Variants in GPR176 observed in about 807,000 individuals in gnomAD.
GPR176 encodes G protein-coupled receptor 176, also known as G-protein coupled receptor 176.
A neutral mutation model predicts 35.4 loss-of-function variants in GPR176; 26 were observed. The ratio of observed to expected loss-of-function variants is 0.74; its 90% CI spans 0.54 to 1.02. The LOEUF (loss-of-function observed/expected upper bound fraction) is 1.02. Ranked by LOEUF, GPR176 falls within the 50% of genes least tolerant of loss-of-function variation. GPR176 has a pLI of 0.00. For synonymous variants in GPR176, 278 were observed against 271.3 expected, an observed-to-expected ratio of 1.02 and a Z score of -0.24; for missense variants, 597 against 665.3, an observed-to-expected ratio of 0.90 and a Z score of 1.13.
In GPR176 at chr15:39,802,144, G is replaced by A; in HGVS notation, c.536C>T (p.Ala179Val). Reference protein sequence around the residue: ...HAVVASVPVFAVTNVADIYAT... With the variant: ...HAVVASVPVFVVTNVADIYAT... ...ATAGATGTCAGCCACATTGGTTACT[G>A]CAAACACAGGGACACTGGCCACCAC... Residue 179 changes from alanine (A) to valine (V), a missense_variant, in exon 3 of 3, where the codon GCA becomes GTA. By Grantham distance (64) the Ala-to-Val change is moderately conservative. Around this residue, in one of 3 missense-constraint regions of GPR176, gnomAD observed 220 missense variants for 297.6 expected, o/e 0.74. Transcript: ENST00000561100. 6.2e-7 allele frequency: 1 copy of A among 1,614,210 alleles called. No homozygotes were observed. Among genetic ancestry groups the A allele is most frequent in the Non-Finnish European group, 8.5e-7 (1 of 1,180,042 alleles).
At chr15:39,884,419 C>T (rs1198109078) in intron 1 of GPR176, among the ~76,000 whole-genome samples, 1 of 152,184 alleles carries the variant, frequency 6.6e-6, no homozygotes, top group East Asian at 1.9e-4. Context: ...TAAGGACCAC[C>T]TAACTAGCAG....
chr15:39,914,205 G>A (rs2033663303), intron 1 of GPR176, among the ~76,000 whole-genome samples: 1 of 151,402 alleles, frequency 6.6e-6, no homozygotes, highest in African/African-American at 2.4e-5. Context: ...ACATCATATA[G>A]AAATAAAAGA....
chr15:39,859,658 C>T (rs191742345), intron 1 of GPR176, among the ~76,000 whole-genome samples: 30 of 152,244 alleles, frequency 2.0e-4, no homozygotes, highest in African/African-American at 7.2e-4. Context: ...CTAGCAATCC[C>T]ACAACATGGA....
In GPR176 at chr15:39,869,982, T is replaced by C. The variant is rs368860096; in HGVS notation, c.172+49873A>G. ...ACAACACACATTTATTCTCTAACAG[T>C]TCTGGAGGGCAGAAGTCCAAAATCA... On this transcript the variant is annotated intron_variant, in intron 1 of 2. Coordinates refer to ENST00000561100, the MANE Select transcript of GPR176 (RefSeq NM_007223.3). 9.2e-5 allele frequency among the ~76,000 whole-genome samples: 14 copies of C among 152,236 alleles called. No individual in the cohort carries two copies. The East Asian group carries it at 2.1e-3, about 23-fold the overall frequency.
In GPR176 at chr15:39,800,681, C is replaced by A. The variant is rs1213206249; in HGVS notation, c.*451G>T. ...AGAAAATGTTTGACATGTTTAAGTT[C>A]ATCAAACAGGCATTTTCTCTGGAGC... On this transcript the variant is annotated 3_prime_UTR_variant, in exon 3 of 3. Coordinates refer to ENST00000561100, the MANE Select transcript of GPR176 (RefSeq NM_007223.3). 1.2e-5 allele frequency: 2 copies of A among 161,092 alleles called. No individual in the cohort carries two copies. The highest frequency in any genetic ancestry group is 2.7e-5 in the Non-Finnish European group (2 of 72,728). The allele number at this position is 161,092 out of a possible 1,614,324, so 10.0% of individuals were successfully genotyped here.
chr15:39,801,999 C>G lies in GPR176; in HGVS notation c.681G>C (p.Leu227=). 2 of 1,614,038 alleles carry G rather than the reference C, an allele frequency of 1.2e-6. No homozygotes were observed. Among genetic ancestry groups the G allele is most frequent in the Non-Finnish European group, 1.7e-6 (2 of 1,180,006 alleles). ...GGCTGGCACTCAGGGCCCGTCGGAT[C>G]AGTATCAAGAAGAGGAACACCACCA... is the stretch of plus-strand genomic sequence containing the variant. ...PVVVVFLFLI[L]IRRALSASQK... is the part of the protein sequence containing the mutation. The change falls in exon 3 of 3, where the codon CTG becomes CTC. Residue 227 remains leucine, a synonymous_variant. Coordinates refer to ENST00000561100, the MANE Select transcript of GPR176 (RefSeq NM_007223.3).
intron 1 of GPR176, among the ~76,000 whole-genome samples, chr15:39,835,160 G>A (rs1901317577): frequency 6.6e-6 from 1 of 152,018 alleles, no homozygotes. Context: ...TGGGATTACA[G>A]GCATGTGCCA....
chr15:39,859,269 T>C (rs7164392), intron 1 of GPR176, among the ~76,000 whole-genome samples: 120,396 of 151,988 alleles, frequency 0.79, 48,022 homozygotes, highest in African/African-American at 0.83. Context: ...TATGTATATA[T>C]GTTATATGTA....
chr15:39,896,749 C>T (rs1472643323), intron 1 of GPR176, among the ~76,000 whole-genome samples: 4 of 152,176 alleles, frequency 2.6e-5, no homozygotes, highest in Non-Finnish European at 4.4e-5. Context: ...GGAACATCAT[C>T]CTCAGAAGAG....
intron 1 of GPR176, among the ~76,000 whole-genome samples, chr15:39,892,882 T>C (rs890761354): frequency 6.6e-6 from 1 of 152,266 alleles, no homozygotes; most frequent in Non-Finnish European, 1.5e-5. Flanking sequence ...TAGGAGTTTG[T>C]TACAGCAGTC....
intron 1 of GPR176, chr15:39,860,686 A>AG (rs1234453288): frequency 4.6e-5 from 7 of 152,248 alleles, no homozygotes; most frequent in Non-Finnish European, 1.0e-4. Context: ...GGATAGGAGA[A>AG]GCTAACTTAG....
intron 1 of GPR176, among the ~76,000 whole-genome samples, chr15:39,885,829 C>G (rs1237132452): frequency 6.6e-6 from 1 of 152,200 alleles, no homozygotes; most frequent in East Asian, 1.9e-4. Flanking sequence ...GAACAAGACA[C>G]TGATGTAGAA....
chr15:39,803,465 AG>A (rs970077396), intron 2 of GPR176, among the ~76,000 whole-genome samples: 3 of 151,532 alleles, frequency 2.0e-5, no homozygotes, highest in Non-Finnish European at 2.9e-5. Context: ...TTTTTAGTAG[AG>A]ACGGAGTTTC....
chr15:39,858,594 T>A (rs2031398097), intron 1 of GPR176, among the ~76,000 whole-genome samples: 1 of 152,002 alleles, frequency 6.6e-6, no homozygotes, highest in Non-Finnish European at 1.5e-5. Flanking sequence ...ACACATGTAG[T>A]CCCAGCTACT....
At chr15:39,887,424 A>G (rs573104869) in intron 1 of GPR176, among the ~76,000 whole-genome samples, 17 of 152,330 alleles carry the variant, frequency 1.1e-4, no homozygotes, top group Non-Finnish European at 2.1e-4. Flanking sequence ...CCCACCACCC[A>G]CATTTGCTGG....
chr15:39,903,886 A>T (rs2033350195), intron 1 of GPR176, among the ~76,000 whole-genome samples: 1 of 152,228 alleles, frequency 6.6e-6, no homozygotes, highest in African/African-American at 2.4e-5. Context: ...AAGTGAAAGC[A>T]AGTTTATTAG....
Position 39,801,746 on chromosome 15 carries a change from A to G in GPR176, c.934T>C (p.Ser312Pro), listed in dbSNP as rs1482734241. The G allele has an allele frequency of 6.2e-7, 1 of 1,614,008 alleles. No individual in the cohort carries two copies. Among genetic ancestry groups the G allele is most frequent in the Admixed American group, 1.7e-5 (1 of 60,030 alleles). The change falls in exon 3 of 3, where the codon TCC becomes CCC. Residue 312 changes from serine to proline, a missense_variant. Physicochemically the swap from Ser to Pro is moderately conservative, Grantham distance 74. Around this residue, in one of 3 missense-constraint regions of GPR176, gnomAD observed 251 missense variants for 255.4 expected, o/e 0.98. Coordinates refer to ENST00000561100, the MANE Select transcript of GPR176 (RefSeq NM_007223.3). ...LLTAVWLPKV[S>P]LLANPVLFLT... ...AAGAGAACAGGGTTTGCCAGCAGGG[A>G]GACTTTGGGCAGCCAAACAGCAGTG... is the stretch of plus-strand genomic sequence containing the variant.
intron 1 of GPR176, among the ~76,000 whole-genome samples, chr15:39,914,961 G>C (rs1163177894): frequency 6.6e-6 from 1 of 152,202 alleles, no homozygotes; most frequent in Non-Finnish European, 1.5e-5. Flanking sequence ...AGCAAAACTA[G>C]TGTCTATCCA....
At chr15:39,905,911 CA>C (rs1250521752) in intron 1 of GPR176, among the ~76,000 whole-genome samples, 1 of 152,136 alleles carries the variant, frequency 6.6e-6, no homozygotes, top group Non-Finnish European at 1.5e-5. Flanking sequence ...GTATTGTACC[CA>C]CCTTACACAC....
Sources: gnomAD v4.1 joint callset for allele counts (sites outside exome capture counted in the v4.1 genomes callset) on GRCh38, gnomAD v4.1.1 for gene constraint, gnomAD v4.1.1 regional missense constraint, MANE v1.5 for transcripts, NCBI Gene and HGNC (gene_info 2026-07-23, HGNC 2026-07-21) for gene names.